Variants in C9orf153 observed in about 807,000 individuals in gnomAD.
C9orf153 encodes the protein chromosome 9 open reading frame 153, also known as uncharacterized protein C9orf153.
In C9orf153, 10 loss-of-function variants were observed where a neutral mutation model predicts 9.0. The ratio of observed to expected loss-of-function variants is 1.11; its 90% CI spans 0.69 to 1.89. The LOEUF (loss-of-function observed/expected upper bound fraction) is 1.89, where lower values mean the gene tolerates loss of function less well. C9orf153 is among the 40% of genes most tolerant of loss of function. The pLI, the probability that C9orf153 is intolerant of heterozygous loss-of-function variation, is 0.00. For synonymous variants in C9orf153, 35 were observed against 37.3 expected, an observed-to-expected ratio of 0.94 and a Z score of 0.23; for missense variants, 108 against 111.0, an observed-to-expected ratio of 0.97 and a Z score of 0.12.
chr9:86,259,267 C>T (rs1825193788), intron 1 of C9orf153, among the ~76,000 whole-genome samples: 1 of 152,046 alleles, frequency 6.6e-6, no homozygotes, highest in African/African-American at 2.4e-5. Context: ...GGAGAGAGAG[C>T]AGAGCTATCA....
At chr9:86,252,594 T>C (rs376355096) in intron 1 of C9orf153, among the ~76,000 whole-genome samples, 1 of 152,340 alleles carries the variant, frequency 6.6e-6, no homozygotes, top group South Asian at 2.1e-4. Context: ...AAGTCCAGGA[T>C]TGATATATTA....
rs926360909 is a variant in C9orf153, at chr9:86,224,401, T to C, written c.243-2668A>G. Among the ~76,000 whole-genome samples the C allele has an allele frequency of 4.0e-5, 6 of 151,380 alleles. No individual in the cohort carries two copies. In the East Asian group the frequency reaches 9.8e-4, roughly 25 times the overall value. ...CAAAAAAAAAAAATTAAAATTGAAG[T>C]AAATAAATAATTGAGAACAAAGTTA... is the stretch of plus-strand genomic sequence containing the variant. On this transcript the variant is annotated intron_variant, in intron 3 of 3. Coordinates refer to ENST00000339137, the MANE Select transcript of C9orf153 (RefSeq NM_001276366.4).
intron 1 of C9orf153, among the ~76,000 whole-genome samples, chr9:86,237,081 C>T (rs1235717534): frequency 6.6e-6 from 1 of 151,956 alleles, no homozygotes; most frequent in African/African-American, 2.4e-5. Context: ...AAGGTACTCA[C>T]ACTGCCTGCA....
chr9:86,238,863 G>A (rs1824662639), intron 1 of C9orf153, among the ~76,000 whole-genome samples: 1 of 151,532 alleles, frequency 6.6e-6, no homozygotes, highest in African/African-American at 2.4e-5. Context: ...TTACAAAACT[G>A]TACAGAAATG....
chr9:86,241,921 C>T (rs537570675), intron 1 of C9orf153, among the ~76,000 whole-genome samples: 17 of 152,310 alleles, frequency 1.1e-4, no homozygotes, highest in African/African-American at 4.1e-4. Context: ...CCACTATGCC[C>T]GGCCTCTTGT....
At chr9:86,224,771 CAA>C (rs35435424) in intron 3 of C9orf153, among the ~76,000 whole-genome samples, 8,233 of 113,338 alleles carry the variant, frequency 0.073, 781 homozygotes, top group African/African-American at 0.23. Context: ...ACTAAAAATA[CAA>C]AAAAAAAAAA....
intron 1 of C9orf153, among the ~76,000 whole-genome samples, chr9:86,236,593 C>T (rs1373423670): frequency 6.7e-6 from 1 of 149,380 alleles, no homozygotes. Context: ...GGTGCTTTCT[C>T]AGGAAAACAA....
At chr9:86,229,443 A>T in intron 2 of C9orf153, 95 bp downstream of exon 2, 1 of 832,524 alleles carries the variant, frequency 1.2e-6, no homozygotes, top group Non-Finnish European at 2.0e-6. Context: ...CATGGCTCCC[A>T]AGTGTGTCAC....
chr9:86,250,169 G>T (rs934942519), intron 1 of C9orf153, among the ~76,000 whole-genome samples: 5 of 152,314 alleles, frequency 3.3e-5, no homozygotes, highest in Admixed American at 1.3e-4. Flanking sequence ...GTCCAAGTGT[G>T]TTGACAGACT....
chr9:86,226,905 T>C (rs1824349984), intron 3 of C9orf153, among the ~76,000 whole-genome samples: 1 of 151,972 alleles, frequency 6.6e-6, no homozygotes, highest in African/African-American at 2.4e-5. Context: ...GCTGGGATTA[T>C]AGGCACCCAC....
intron 1 of C9orf153, among the ~76,000 whole-genome samples, chr9:86,232,191 T>C (rs1451799367): frequency 6.6e-6 from 1 of 152,246 alleles, no homozygotes; most frequent in Admixed American, 6.5e-5. Context: ...CAAATAAGTT[T>C]AGATTCTTGC....
intron 1 of C9orf153, among the ~76,000 whole-genome samples, chr9:86,235,513 T>C (rs1413129353): frequency 2.0e-5 from 3 of 151,270 alleles, no homozygotes; most frequent in Non-Finnish European, 4.4e-5. Context: ...TACCAGCACT[T>C]TGGGAGGCCG....
rs113572101 is a variant in C9orf153, at chr9:86,222,489, A to T, written c.243-756T>A. Among the ~76,000 whole-genome samples the T allele has an allele frequency of 7.3e-3, 1,104 of 152,254 alleles. 15 individuals carry two copies. The highest frequency in any genetic ancestry group is 0.025 in the African/African-American group (1,041 of 41,536). Reference sequence around the variant, plus strand: ...AGATGCTAATGTAAGCCCTAAGTATAAAAGGGCAGTGGCTGAGCTAGAATC... The same window carrying T: ...AGATGCTAATGTAAGCCCTAAGTATTAAAGGGCAGTGGCTGAGCTAGAATC... On this transcript the variant is annotated intron_variant, in intron 3 of 3. Transcript: ENST00000339137.
chr9:86,247,663 G>C (rs1824899995), intron 1 of C9orf153, among the ~76,000 whole-genome samples: 1 of 152,152 alleles, frequency 6.6e-6, no homozygotes, highest in Non-Finnish European at 1.5e-5. Context: ...CTGGACAACA[G>C]AGTGAGACCC....
intron 1 of C9orf153, among the ~76,000 whole-genome samples, chr9:86,246,819 AC>A (rs1285743186): frequency 6.6e-5 from 10 of 152,164 alleles, no homozygotes; most frequent in Admixed American, 6.5e-4. Flanking sequence ...AGTTCTGTGG[AC>A]GTCACTGCCT....
rs1824202899 is a variant in C9orf153, at chr9:86,221,539, C to A, written c.*149G>T. 2 of 1,345,702 alleles carry A rather than the reference C, an allele frequency of 1.5e-6. No individual in the cohort carries two copies. Among genetic ancestry groups the A allele is most frequent in the African/African-American group, 3.0e-5 (2 of 66,270 alleles). 83.4% of individuals were successfully genotyped at this position (1,345,702 alleles called of 1,614,324 possible). On this transcript the variant is annotated 3_prime_UTR_variant, in exon 4 of 4. Coordinates refer to ENST00000339137, the MANE Select transcript of C9orf153 (RefSeq NM_001276366.4). ...GAATAACTTCCTTCATTTTGATAAT[C>A]AATTTGAGGATAAATGACCAAAGAC...
At chr9:86,254,086 A>G (rs1319417265) in intron 1 of C9orf153, among the ~76,000 whole-genome samples, 2 of 83,282 alleles carry the variant, frequency 2.4e-5, no homozygotes, top group Non-Finnish European at 4.7e-5. Context: ...GCGAGACTCC[A>G]TTTCAAAAAA....
intron 3 of C9orf153, among the ~76,000 whole-genome samples, chr9:86,223,026 T>C (rs1057469919): frequency 2.0e-5 from 3 of 152,152 alleles, no homozygotes; most frequent in South Asian, 2.1e-4. Context: ...GTTGGGCTCA[T>C]ACCTCCCCAA....
chr9:86,256,847 G>A (rs751837952), intron 1 of C9orf153, among the ~76,000 whole-genome samples: 16 of 152,108 alleles, frequency 1.1e-4, no homozygotes, highest in African/African-American at 2.4e-4. Flanking sequence ...AAAGAACAGC[G>A]CATAGCCAGT....
Sources: gnomAD v4.1 joint callset for allele counts (sites outside exome capture counted in the v4.1 genomes callset) on GRCh38, gnomAD v4.1.1 for gene constraint, MANE v1.5 for transcripts, NCBI Gene and HGNC (gene_info 2026-07-23, HGNC 2026-07-21) for gene names.